The following PARD3 variants were observed in gnomAD, a reference collection of about 807,000 sequenced individuals.
PARD3 encodes par-3 family cell polarity regulator.
PARD3 carries 75 observed loss-of-function variants against 155.4 expected under a neutral mutation model. The ratio of observed to expected loss-of-function variants is 0.48; its 90% confidence interval spans 0.40 to 0.58. The LOEUF is 0.58. Among genes scored for constraint, PARD3 ranks in the 20% least tolerant of loss-of-function variants. The pLI, the probability that PARD3 is intolerant of heterozygous loss-of-function variation, is 0.00. For synonymous variants in PARD3, 576 were observed against 610.5 expected (o/e 0.94, Z 0.83); for missense variants, 1,642 against 1,721.7 (o/e 0.95, Z 0.82).
At chr10:34,137,358 G>A (rs972609683) in intron 22 of PARD3, among the ~76,000 whole-genome samples, 2 of 152,116 alleles carry the variant, frequency 1.3e-5, no homozygotes, top group African/African-American at 4.8e-5. Context: ...CAACAATGAC[G>A]GAAGCAGGGA....
At chr10:34,416,475 C>A (rs1163682152) in intron 5 of PARD3, among the ~76,000 whole-genome samples, 11 of 152,106 alleles carry the variant, frequency 7.2e-5, no homozygotes, top group Non-Finnish European at 2.9e-5. Context: ...AGGCAGCCTG[C>A]AGAGATGAGA....
At chr10:34,584,878 T>C (rs906944428) in intron 2 of PARD3, among the ~76,000 whole-genome samples, 11 of 152,142 alleles carry the variant, frequency 7.2e-5, no homozygotes, top group Admixed American at 7.2e-4. Context: ...CATTAGGTCT[T>C]CCCCTCTCTT....
chr10:34,240,768 G>GC (rs1953534390), intron 22 of PARD3, among the ~76,000 whole-genome samples: 1 of 152,158 alleles, frequency 6.6e-6, no homozygotes. Context: ...TGTCTCCAGA[G>GC]CAAGATTTTC....
intron 22 of PARD3, among the ~76,000 whole-genome samples, chr10:34,157,646 G>A (rs1388417374): frequency 6.6e-6 from 1 of 152,128 alleles, no homozygotes; most frequent in African/African-American, 2.4e-5. Flanking sequence ...ACTGTTTTGT[G>A]TGTGATTCTT....
At chr10:34,445,406 C>T (rs776260938) in intron 5 of PARD3, among the ~76,000 whole-genome samples, 78 of 152,172 alleles carry the variant, frequency 5.1e-4, no homozygotes, top group Non-Finnish European at 9.3e-4. Context: ...GATGTGAAAA[C>T]ATCAGTGGCT....
At chr10:34,242,960 T>C (rs1340273086) in intron 22 of PARD3, among the ~76,000 whole-genome samples, 2 of 152,196 alleles carry the variant, frequency 1.3e-5, no homozygotes, top group South Asian at 2.1e-4. Context: ...CCATAATTTA[T>C]GGAACCAATT....
chr10:34,441,005 T>A lies in PARD3; in HGVS notation c.714+9312A>T, dbSNP rs188672619. ...CTGATGTCATTTTTGTGTCAGATTA[T>A]GTTCTTCAGAAAAGAACCAGAGATG... On this transcript the variant is annotated intron_variant, in intron 5 of 24. Transcript: ENST00000374788. Among the ~76,000 whole-genome samples, 498 of 152,340 alleles carry A rather than the reference T, an allele frequency of 3.3e-3. 1 individual carries two copies. Among genetic ancestry groups the A allele is most frequent in the African/African-American group, 0.011 (458 of 41,570 alleles).
At chr10:34,492,246 C>T (rs908613526) in intron 3 of PARD3, among the ~76,000 whole-genome samples, 17 of 152,104 alleles carry the variant, frequency 1.1e-4, no homozygotes, top group Admixed American at 4.6e-4. Flanking sequence ...TCCAGGATGA[C>T]GGGCTAGCAC....
chr10:34,269,615 A>T (rs776793199), intron 22 of PARD3, 42 bp downstream of exon 22: 2 of 1,603,866 alleles, frequency 1.2e-6, no homozygotes, highest in East Asian at 4.5e-5. Context: ...GCTGTATAAA[A>T]GCTGATTTGG....
intron 4 of PARD3, among the ~76,000 whole-genome samples, chr10:34,463,696 A>T (rs1416443396): frequency 1.3e-5 from 2 of 152,002 alleles, no homozygotes; most frequent in Admixed American, 1.3e-4. Flanking sequence ...AAGATATCTC[A>T]AAAAAAACAT....
chr10:34,686,835 G>A (rs1020746022), intron 2 of PARD3, among the ~76,000 whole-genome samples: 1 of 151,982 alleles, frequency 6.6e-6, no homozygotes, highest in African/African-American at 2.4e-5. Context: ...GATCAGTTGA[G>A]GTCAAGAGTT....
At chr10:34,206,233 TG>T (rs1354236613) in intron 22 of PARD3, among the ~76,000 whole-genome samples, 3 of 152,234 alleles carry the variant, frequency 2.0e-5, no homozygotes, top group African/African-American at 7.2e-5. Context: ...TGGCACAGGC[TG>T]CTTGCTGGTC....
intron 2 of PARD3, among the ~76,000 whole-genome samples, chr10:34,639,959 T>G (rs1009590571): frequency 5.3e-5 from 8 of 152,184 alleles, no homozygotes; most frequent in African/African-American, 1.7e-4. Flanking sequence ...ATGGGTTATA[T>G]TCATTAAACA....
intron 5 of PARD3, among the ~76,000 whole-genome samples, chr10:34,420,737 T>C (rs184259383): frequency 4.1e-4 from 62 of 152,340 alleles, no homozygotes; most frequent in African/African-American, 1.4e-3. Context: ...AAGACTACGA[T>C]GGCAATCCGT....
At chr10:34,336,429 T>C (rs1382833022) in intron 17 of PARD3, 186 bp from the exon 18 acceptor site, 3 of 537,110 alleles carry the variant, frequency 5.6e-6, no homozygotes, top group Non-Finnish European at 9.9e-6. Flanking sequence ...CTCCATGCAA[T>C]ATGCCAGTCA....
intron 5 of PARD3, among the ~76,000 whole-genome samples, chr10:34,437,863 T>A (rs1041838941): frequency 6.6e-6 from 1 of 152,098 alleles, no homozygotes; most frequent in Non-Finnish European, 1.5e-5. Context: ...ACATGAAGAG[T>A]TATTTAATAT....
intron 2 of PARD3, among the ~76,000 whole-genome samples, chr10:34,541,836 C>T (rs1044681478): frequency 2.6e-5 from 4 of 152,050 alleles, no homozygotes; most frequent in African/African-American, 9.7e-5. Context: ...TGTAAGCAAA[C>T]CCACATAGAG....
chr10:34,166,520 A>C lies in PARD3; in HGVS notation c.3420-34937T>G, dbSNP rs1949534896. Reference sequence around the variant, plus strand: ...ATAGTCCCAACTACTCAGGAGGCTAAGGCGGGGGCAGGCAGGCGGAATTGC... The same window carrying C: ...ATAGTCCCAACTACTCAGGAGGCTACGGCGGGGGCAGGCAGGCGGAATTGC... On this transcript the variant is annotated intron_variant, in intron 22 of 24. Transcript: ENST00000374788. Among the ~76,000 whole-genome samples, 4 of 152,116 alleles carry C rather than the reference A, an allele frequency of 2.6e-5. No individual in the cohort carries two copies. In the South Asian group the frequency reaches 8.3e-4, roughly 32 times the overall value.
chr10:34,645,990 C>T (rs883065), intron 2 of PARD3, among the ~76,000 whole-genome samples: 55,286 of 151,994 alleles, frequency 0.36, 10,231 homozygotes, highest in South Asian at 0.43. Context: ...AACACAGAAC[C>T]GGGATAAGAG....
Sources: gnomAD v4.1 joint callset for allele counts (sites outside exome capture counted in the v4.1 genomes callset) on GRCh38, gnomAD v4.1.1 for gene constraint, MANE v1.5 for transcripts, NCBI Gene and HGNC (gene_info 2026-07-23, HGNC 2026-07-21) for gene names.